The following MMEL1 variants were observed in gnomAD, a reference collection of about 807,000 sequenced individuals.
MMEL1 encodes the protein membrane metallo-endopeptidase-like 1.
MMEL1 carries 98 observed loss-of-function variants against 117.1 expected under a neutral mutation model. The observed-to-expected ratio is 0.84, with a 90% CI of 0.71 to 0.99. MMEL1 has a LOEUF of 0.99. Ranked by LOEUF, MMEL1 falls within the 50% of genes least tolerant of loss-of-function variation. The pLI, the probability that MMEL1 is intolerant of heterozygous loss-of-function variation, is 0.00. For missense variants in MMEL1, 1,014 were observed against 1,049.1 expected, an observed-to-expected ratio of 0.97 and a Z score of 0.46; for synonymous variants, 390 against 415.1, an observed-to-expected ratio of 0.94 and a Z score of 0.74.
chr1:2,629,397 G>A lies in MMEL1; in HGVS notation c.88C>T (p.Leu30=). 1.3e-6 allele frequency: 2 copies of A among 1,546,428 alleles called. No homozygotes were observed. Among genetic ancestry groups the A allele is most frequent in the Non-Finnish European group, 1.7e-6 (2 of 1,146,304 alleles). The change falls in exon 2 of 24, where the codon CTG becomes TTG. Residue 30 remains leucine, a synonymous_variant. Transcript: ENST00000378412. ...GCGGTCACCAGCAGCAGCAGCAGCA[G>A]CAGCCCCCCCTCCAGGAACCCCGGG... is the stretch of plus-strand genomic sequence containing the variant. ...KRPGFLEGGL[L]LLLLLVTAAL...
At chr1:2,599,668 GC>G (rs1410432895) in intron 11 of MMEL1, among the ~76,000 whole-genome samples, 5 of 152,194 alleles carry the variant, frequency 3.3e-5, no homozygotes, top group African/African-American at 1.2e-4. Flanking sequence ...GGCCATGCTG[GC>G]CAACATGGTG....
At chr1:2,606,714 C>T (rs1398992803) in intron 7 of MMEL1, among the ~76,000 whole-genome samples, 4 of 152,114 alleles carry the variant, frequency 2.6e-5, no homozygotes, top group Non-Finnish European at 2.9e-5. Context: ...GAGTGTCGAG[C>T]GCTCCTAGGG....
In MMEL1 at chr1:2,605,576, G is replaced by A. The variant is rs576993818; in HGVS notation, c.798C>T (p.Asn266=). Residue 266 remains asparagine (N), a synonymous_variant, in exon 9 of 24, where the codon AAC becomes AAT. Transcript: ENST00000378412. ...LGMPSREYYF[N]GGSNRKVREA... ...CACCCACCTTCCGGTTGCTGCCGCCGTTGAAGTAGTACTCTCGGGAGGGCA... is the reference window on the plus strand; with the variant it reads ...CACCCACCTTCCGGTTGCTGCCGCCATTGAAGTAGTACTCTCGGGAGGGCA... The A allele has an allele frequency of 1.5e-5, 25 of 1,612,970 alleles. No homozygotes were observed. The highest frequency in any genetic ancestry group is 2.7e-5 in the African/African-American group (2 of 75,022).
At chr1:2,624,338 G>A (rs376426207) in intron 2 of MMEL1, among the ~76,000 whole-genome samples, 1 of 152,172 alleles carries the variant, frequency 6.6e-6, no homozygotes, top group Non-Finnish European at 1.5e-5. Context: ...CTGGAGAAAC[G>A]TGAGTCTGAG....
chr1:2,629,307 C>A (rs1638426048), intron 2 of MMEL1, 24 bp downstream of exon 2: 2 of 1,512,980 alleles, frequency 1.3e-6, no homozygotes, highest in Non-Finnish European at 1.8e-6. Flanking sequence ...CGGGGACAGG[C>A]GGGGGCGGGG....
chr1:2,591,759 C>T (rs1276450639), intron 22 of MMEL1, 126 bp from the exon 23 acceptor site: 3 of 1,039,882 alleles, frequency 2.9e-6, no homozygotes, highest in Non-Finnish European at 4.5e-6. Flanking sequence ...GCAGGTGCTC[C>T]CCTCCTCCCA....
At position 2,590,746 on chromosome 1, in the gene MMEL1, C is replaced by T. The variant is rs758573258; in HGVS notation, c.*244G>A. ...GTTGATTGTCTCTACAGAGCTGTGA[C>T]GGGGGCACTGAGCCCCGCGGGTGTC... On this transcript the variant is annotated 3_prime_UTR_variant, in exon 24 of 24. Transcript: ENST00000378412. 6.8e-5 allele frequency: 27 copies of T among 399,202 alleles called. No homozygotes were observed. The highest frequency in any genetic ancestry group is 2.2e-4 in the South Asian group (2 of 9,008). The allele number at this position is 399,202 out of a possible 1,614,324, so 24.7% of individuals were successfully genotyped here.
Position 2,595,381 on chromosome 1 carries a change from G to T in MMEL1, c.1501-22C>A. 6.2e-7 allele frequency: 1 copy of T among 1,609,830 alleles called. No individual in the cohort carries two copies. Among genetic ancestry groups the T allele is most frequent in the East Asian group, 2.2e-5 (1 of 44,836 alleles). On this transcript the variant is annotated intron_variant, in intron 15 of 23. Coordinates refer to ENST00000378412, the MANE Select transcript of MMEL1 (RefSeq NM_033467.4). The surrounding 1 kb of genome is among the most constrained non-coding windows in gnomAD (Gnocchi z 4.8). ...TGGCCTGAGTGGGGAGGAGGGACTGGTCAGTGGGTGCCCCACTGCGGATGG... is the reference window on the plus strand; with the variant it reads ...TGGCCTGAGTGGGGAGGAGGGACTGTTCAGTGGGTGCCCCACTGCGGATGG...
intron 13 of MMEL1, among the ~76,000 whole-genome samples, chr1:2,597,074 C>T (rs372638339): frequency 6.6e-6 from 1 of 152,054 alleles, no homozygotes; most frequent in African/African-American, 2.4e-5. Context: ...CAGCCACCAG[C>T]TCCCAGGGCC....
At chr1:2,596,944 T>A (rs1644852702) in intron 13 of MMEL1, among the ~76,000 whole-genome samples, 1 of 151,296 alleles carries the variant, frequency 6.6e-6, no homozygotes, top group Non-Finnish European at 1.5e-5. Context: ...GTTGGGGGGG[T>A]TCCTCCCCGG....
chr1:2,619,435 A>G (rs980343578), intron 2 of MMEL1, among the ~76,000 whole-genome samples: 23 of 152,310 alleles, frequency 1.5e-4, no homozygotes, highest in Admixed American at 3.3e-4. Flanking sequence ...AGGTGGGCAG[A>G]TCACTTGAGG....
intron 9 of MMEL1, among the ~76,000 whole-genome samples, chr1:2,605,208 C>T (rs891750965): frequency 5.9e-5 from 9 of 152,132 alleles, no homozygotes; most frequent in African/African-American, 1.2e-4. Flanking sequence ...GGAGCAGGCT[C>T]GGGGCCCAGC....
intron 2 of MMEL1, among the ~76,000 whole-genome samples, chr1:2,627,421 C>A (rs1163806141): frequency 1.3e-5 from 2 of 152,026 alleles, no homozygotes; most frequent in Non-Finnish European, 2.9e-5. Context: ...GAAAAAGAGC[C>A]AATATGTAGA....
intron 19 of MMEL1, 136 bp from the exon 20 acceptor site, chr1:2,593,102 C>T: frequency 8.6e-7 from 1 of 1,163,784 alleles, no homozygotes; most frequent in South Asian, 1.4e-5. Context: ...TCTGAGTAGG[C>T]TGAGCCTGGA....
At chr1:2,622,552 T>C (rs1645305759) in intron 2 of MMEL1, among the ~76,000 whole-genome samples, 1 of 152,204 alleles carries the variant, frequency 6.6e-6, no homozygotes, top group African/African-American at 2.4e-5. Flanking sequence ...TATTAAATAG[T>C]AATGTTGCTG....
chr1:2,617,426 C>CAAAAAAA (rs35881431), intron 2 of MMEL1, among the ~76,000 whole-genome samples: 18 of 56,124 alleles, frequency 3.2e-4, no homozygotes, highest in African/African-American at 1.3e-3. Context: ...GACTCCGTCT[C>CAAAAAAA]AAAAAAAAAA....
intron 11 of MMEL1, among the ~76,000 whole-genome samples, chr1:2,599,501 C>A (rs534996017): frequency 3.9e-5 from 6 of 152,224 alleles, no homozygotes; most frequent in Admixed American, 6.5e-5. Context: ...ATTATTTCAA[C>A]AGATGCAGAA....
rs375698298 is a variant in MMEL1, at chr1:2,595,969, G to T, written c.1500+40C>A. 16 of 1,567,046 alleles carry T rather than the reference G, an allele frequency of 1.0e-5. No individual in the cohort carries two copies. The highest frequency in any genetic ancestry group is 1.4e-5 in the Non-Finnish European group (16 of 1,138,514). On this transcript the variant is annotated intron_variant, in intron 15 of 23. Coordinates refer to ENST00000378412, the MANE Select transcript of MMEL1 (RefSeq NM_033467.4). The surrounding 1 kb of genome is among the most constrained non-coding windows in gnomAD (Gnocchi z 4.8). ...GTCGGGGCGGTGCTGCCCGTGCCCA[G>T]ATCCAGTCGGGGCTGCCCTGACCTC...
chr1:2,631,029 TTGTG>T (rs770674727), intron 1 of MMEL1, among the ~76,000 whole-genome samples: 14 of 148,716 alleles, frequency 9.4e-5, no homozygotes, highest in African/African-American at 3.0e-4. Flanking sequence ...ATGTGCATGA[TTGTG>T]TGTGTGGGTG....
Sources: gnomAD v4.1 joint callset for allele counts (sites outside exome capture counted in the v4.1 genomes callset) on GRCh38, gnomAD v4.1.1 for gene constraint, Gnocchi (gnomAD v3.1) non-coding constraint, MANE v1.5 for transcripts, NCBI Gene and HGNC (gene_info 2026-07-23, HGNC 2026-07-21) for gene names.